The following KCNB2 variants were observed in gnomAD, a reference collection of about 807,000 sequenced individuals.
The protein encoded by KCNB2 is potassium voltage-gated channel subfamily B member 2, also known as delayed rectifier potassium channel protein.
In KCNB2, 15 loss-of-function variants were observed where a neutral mutation model predicts 61.5. That is an observed-to-expected ratio of 0.24 (90% CI 0.16 to 0.38). The LOEUF (loss-of-function observed/expected upper bound fraction) is 0.38. Ranked by LOEUF, KCNB2 falls within the 10% of genes least tolerant of loss-of-function variation. KCNB2 has a pLI of 1.00. For synonymous variants in KCNB2, 457 were observed against 446.0 expected, an observed-to-expected ratio of 1.02 and a Z score of -0.31; for missense variants, 828 against 1,125.2, an observed-to-expected ratio of 0.74 and a Z score of 3.78.
chr8:72,636,085 C>T (rs1805961102), intron 2 of KCNB2, among the ~76,000 whole-genome samples: 1 of 152,104 alleles, frequency 6.6e-6, no homozygotes, highest in Non-Finnish European at 1.5e-5. Flanking sequence ...AGCTCTTATT[C>T]GGATGCTCAG....
intron 2 of KCNB2, among the ~76,000 whole-genome samples, chr8:72,717,055 C>A (rs1807456798): frequency 6.6e-6 from 1 of 152,004 alleles, no homozygotes; most frequent in South Asian, 2.1e-4. Context: ...AGGGAACTCC[C>A]ATTCACAATT....
intron 2 of KCNB2, among the ~76,000 whole-genome samples, chr8:72,667,006 TGAGA>T (rs1554582835): frequency 6.8e-6 from 1 of 147,830 alleles, no homozygotes; most frequent in Non-Finnish European, 1.5e-5. Context: ...TGTGTGTGTG[TGAGA>T]GAGAGAGAGT....
intron 2 of KCNB2, among the ~76,000 whole-genome samples, chr8:72,725,537 ATATGTG>A (rs1462971915): frequency 1.8e-5 from 1 of 55,466 alleles, no homozygotes; most frequent in African/African-American, 9.3e-5. Context: ...ATATATATAT[ATATGTG>A]TGTATATATA....
intron 2 of KCNB2, among the ~76,000 whole-genome samples, chr8:72,645,017 T>C (rs748782127): frequency 6.6e-6 from 1 of 152,166 alleles, no homozygotes; most frequent in African/African-American, 2.4e-5. Flanking sequence ...TGCCAGAGTT[T>C]CCTATACAAT....
chr8:72,625,654 C>T (rs1049576047), intron 2 of KCNB2, among the ~76,000 whole-genome samples: 6 of 152,092 alleles, frequency 3.9e-5, no homozygotes, highest in Non-Finnish European at 5.9e-5. Flanking sequence ...TGGTCTTGAA[C>T]GCTTGGGCTC....
At chr8:72,769,440 A>G (rs1204599931) in intron 2 of KCNB2, among the ~76,000 whole-genome samples, 1 of 152,152 alleles carries the variant, frequency 6.6e-6, no homozygotes, top group Non-Finnish European at 1.5e-5. Context: ...ACTATAGCAA[A>G]TGTTCTAATA....
intron 2 of KCNB2, among the ~76,000 whole-genome samples, chr8:72,675,571 G>C (rs1292371956): frequency 2.0e-5 from 3 of 150,964 alleles, no homozygotes; most frequent in Non-Finnish European, 2.9e-5. Context: ...GGAGTGCAAT[G>C]GTGCCATCTC....
chr8:72,684,436 A>T (rs1450975349), intron 2 of KCNB2, among the ~76,000 whole-genome samples: 1 of 152,168 alleles, frequency 6.6e-6, no homozygotes, highest in Non-Finnish European at 1.5e-5. Context: ...CCAGGGGCAG[A>T]GTGGGTAGGA....
chr8:72,685,208 G>A (rs1763883742), intron 2 of KCNB2, among the ~76,000 whole-genome samples: 1 of 152,104 alleles, frequency 6.6e-6, no homozygotes, highest in Non-Finnish European at 1.5e-5. Flanking sequence ...AAATGAATTT[G>A]TATCTGAAAG....
intron 2 of KCNB2, among the ~76,000 whole-genome samples, chr8:72,573,015 G>A (rs1806738755): frequency 1.3e-5 from 2 of 152,098 alleles, no homozygotes; most frequent in South Asian, 4.2e-4. Flanking sequence ...GTCTGTGCTT[G>A]GAAATTCAGC....
chr8:72,658,883 C>T (rs1806335462), intron 2 of KCNB2, among the ~76,000 whole-genome samples: 1 of 152,170 alleles, frequency 6.6e-6, no homozygotes, highest in Non-Finnish European at 1.5e-5. Context: ...TTGAGGCTCA[C>T]TGCTCAGAAA....
intron 2 of KCNB2, among the ~76,000 whole-genome samples, chr8:72,843,552 T>C (rs1248614384): frequency 2.0e-5 from 3 of 152,200 alleles, no homozygotes; most frequent in Non-Finnish European, 2.9e-5. Context: ...AGTCTCCCAC[T>C]CTTATTGTGT....
At chr8:72,841,531 C>T (rs1563401162) in intron 2 of KCNB2, among the ~76,000 whole-genome samples, 2 of 152,116 alleles carry the variant, frequency 1.3e-5, no homozygotes, top group East Asian at 1.9e-4. Flanking sequence ...GGCAGTATGG[C>T]CATTTTCACG....
intron 2 of KCNB2, chr8:72,619,404 G>A: frequency 6.8e-6 from 3 of 438,806 alleles, no homozygotes; most frequent in South Asian, 6.3e-5. Flanking sequence ...GTATTACCAG[G>A]TAGACATCCC....
intron 2 of KCNB2, among the ~76,000 whole-genome samples, chr8:72,904,867 T>TC (rs1806148744): frequency 6.6e-6 from 1 of 152,032 alleles, no homozygotes; most frequent in Non-Finnish European, 1.5e-5. Flanking sequence ...CTTCCCTTCT[T>TC]CCCTCCATCC....
intron 2 of KCNB2, among the ~76,000 whole-genome samples, chr8:72,744,407 G>GCCACTATT (rs1245308382): frequency 6.6e-6 from 1 of 152,110 alleles, no homozygotes; most frequent in East Asian, 1.9e-4. Flanking sequence ...TATTCCATGG[G>GCCACTATT]CCAAGGACAC....
intron 2 of KCNB2, among the ~76,000 whole-genome samples, chr8:72,804,406 A>G (rs554905165): frequency 2.0e-5 from 3 of 152,164 alleles, no homozygotes; most frequent in Non-Finnish European, 2.9e-5. Context: ...GGATATGAAA[A>G]CTGCTAATGG....
intron 2 of KCNB2, chr8:72,750,405 C>T (rs1235159634): frequency 6.6e-6 from 1 of 152,134 alleles, no homozygotes; most frequent in African/African-American, 2.4e-5. Flanking sequence ...ATTATGCTCA[C>T]CTGCACAGTT....
chr8:72,873,805 A>G (rs1006368107), intron 2 of KCNB2, among the ~76,000 whole-genome samples: 1 of 152,256 alleles, frequency 6.6e-6, no homozygotes, highest in African/African-American at 2.4e-5. Context: ...ATCTTCTGCT[A>G]TAAGTCGCCT....
Sources: allele counts gnomAD v4.1 joint callset (sites outside exome capture counted in the v4.1 genomes callset), GRCh38; gene constraint gnomAD v4.1.1; transcripts MANE v1.5; gene names NCBI Gene and HGNC (gene_info 2026-07-23, HGNC 2026-07-21).